The following TUNAR variants were observed in gnomAD, a reference collection of about 807,000 sequenced individuals.
TUNAR encodes the protein protein TUNAR.
At chr14:95,882,491 G>A (rs1327280920) in intron 2 of TUNAR, among the ~76,000 whole-genome samples, 1 of 152,172 alleles carries the variant, frequency 6.6e-6, no homozygotes, top group Non-Finnish European at 1.5e-5. Flanking sequence ...TTTTGTATGT[G>A]GCTTATGACA....
chr14:95,882,402 GAA>G, intron 2 of TUNAR, among the ~76,000 whole-genome samples: 1 of 152,220 alleles, frequency 6.6e-6, no homozygotes, highest in Non-Finnish European at 1.5e-5. Flanking sequence ...CATGGTAGTA[GAA>G]ATGATTTCAC....
At chr14:95,904,452 C>T (rs1566789453) in intron 2 of TUNAR, among the ~76,000 whole-genome samples, 1 of 152,154 alleles carries the variant, frequency 6.6e-6, no homozygotes, top group Non-Finnish European at 1.5e-5. Flanking sequence ...CTTCAGGCCT[C>T]AGGAGCACAG....
intron 2 of TUNAR, among the ~76,000 whole-genome samples, chr14:95,881,035 G>A (rs1479114029): frequency 2.6e-5 from 4 of 152,170 alleles, no homozygotes; most frequent in African/African-American, 7.2e-5. Flanking sequence ...AAATCAACCC[G>A]TGCTGGACCT....
intron 2 of TUNAR, among the ~76,000 whole-genome samples, chr14:95,918,976 G>A (rs565701197): frequency 1.3e-5 from 2 of 152,176 alleles, no homozygotes; most frequent in South Asian, 2.1e-4. Context: ...TTGGAGGTGG[G>A]GATTCAAAAG....
exon 3 of TUNAR, chr14:95,925,455 T>C (rs796737906): frequency 5.8e-4 from 88 of 152,184 alleles, no homozygotes; most frequent in African/African-American, 2.0e-3. Context: ...TGGTTAGAAA[T>C]AAAGCAGTGT....
chr14:95,881,754 G>A (rs1204423602), intron 2 of TUNAR, among the ~76,000 whole-genome samples: 3 of 152,218 alleles, frequency 2.0e-5, no homozygotes, highest in Non-Finnish European at 4.4e-5. Flanking sequence ...GTGCAGAGCT[G>A]GCCAAGCATC....
chr14:95,905,420 C>T (rs972393145), intron 2 of TUNAR, among the ~76,000 whole-genome samples: 1 of 152,172 alleles, frequency 6.6e-6, no homozygotes, highest in South Asian at 2.1e-4. Context: ...TTCAGAAGAG[C>T]ACTTGTCAGC....
chr14:95,896,740 A>C (rs993686253), intron 2 of TUNAR, among the ~76,000 whole-genome samples: 2 of 152,254 alleles, frequency 1.3e-5, no homozygotes, highest in African/African-American at 4.8e-5. Context: ...TTTATTTTCC[A>C]TTTGTAAAAA....
intron 2 of TUNAR, among the ~76,000 whole-genome samples, chr14:95,893,964 G>A (rs1889219731): frequency 6.6e-6 from 1 of 152,230 alleles, no homozygotes; most frequent in African/African-American, 2.4e-5. Context: ...TGTGTGCCTG[G>A]CACCCAGAGC....
chr14:95,913,921 C>G (rs370451128), intron 2 of TUNAR, among the ~76,000 whole-genome samples: 1 of 152,176 alleles, frequency 6.6e-6, no homozygotes, highest in Non-Finnish European at 1.5e-5. Context: ...ATAGTAGAGA[C>G]GGGGTTTCAC....
chr14:95,920,734 G>A (rs551422319), intron 2 of TUNAR, among the ~76,000 whole-genome samples: 12 of 152,262 alleles, frequency 7.9e-5, no homozygotes, highest in Non-Finnish European at 1.5e-4. Flanking sequence ...AGGGCATGCA[G>A]ACGTTTCATT....
chr14:95,888,757 C>T (rs771811328), intron 2 of TUNAR, among the ~76,000 whole-genome samples: 12 of 152,246 alleles, frequency 7.9e-5, no homozygotes, highest in Middle Eastern at 3.4e-3. Flanking sequence ...GTATCACTTC[C>T]GGCATGTCCT....
At chr14:95,881,534 C>A (rs1888977884) in intron 2 of TUNAR, among the ~76,000 whole-genome samples, 1 of 152,234 alleles carries the variant, frequency 6.6e-6, no homozygotes, top group Non-Finnish European at 1.5e-5. Flanking sequence ...CTCCCCCAAA[C>A]AACAGACTAG....
At chr14:95,887,603 C>T (rs756202162) in intron 2 of TUNAR, among the ~76,000 whole-genome samples, 2 of 152,200 alleles carry the variant, frequency 1.3e-5, no homozygotes, top group Non-Finnish European at 2.9e-5. Flanking sequence ...CAGGTTATTA[C>T]CCCCAAACTT....
chr14:95,923,805 T>C (rs1428385045), exon 3 of TUNAR: 1 of 152,228 alleles, frequency 6.6e-6, no homozygotes, highest in Non-Finnish European at 1.5e-5. Flanking sequence ...GTGCATGTTT[T>C]AAGATTGTCC....
intron 2 of TUNAR, among the ~76,000 whole-genome samples, chr14:95,919,051 G>C (rs1304408856): frequency 6.6e-6 from 1 of 152,180 alleles, no homozygotes; most frequent in Non-Finnish European, 1.5e-5. Flanking sequence ...CTCCATTAGA[G>C]ACATGACTAG....
At chr14:95,923,020 G>A (rs182434403) in exon 3 of TUNAR, 18 of 398,976 alleles carry the variant, frequency 4.5e-5, no homozygotes, top group African/African-American at 1.8e-4. Context: ...GAAGTCCTGC[G>A]TGTCGGCGCA....
chr14:95,891,844 G>C (rs1889184704), intron 2 of TUNAR, among the ~76,000 whole-genome samples: 1 of 152,234 alleles, frequency 6.6e-6, no homozygotes, highest in Non-Finnish European at 1.5e-5. Flanking sequence ...CTCCAGGGCA[G>C]GATCCCTGTC....
chr14:95,919,183 T>A (rs866781653), intron 2 of TUNAR, among the ~76,000 whole-genome samples: 33 of 152,278 alleles, frequency 2.2e-4, no homozygotes, highest in South Asian at 4.1e-4. Flanking sequence ...AAAGGGGGGA[T>A]CCACTAATAC....
Sources: gnomAD v4.1 joint callset for allele counts (sites outside exome capture counted in the v4.1 genomes callset) on GRCh38, gnomAD v4.1.1 for gene constraint, MANE v1.5 for transcripts, NCBI Gene and HGNC (gene_info 2026-07-23, HGNC 2026-07-21) for gene names.